ITGA8: variants seen among roughly 807,000 people sequenced by gnomAD.
The protein encoded by ITGA8 is integrin subunit alpha 8, also known as integrin alpha-8.
A neutral mutation model predicts 142.3 loss-of-function variants in ITGA8; 91 were observed. The ratio of observed to expected loss-of-function variants is 0.64; its 90% CI spans 0.54 to 0.76. The LOEUF is 0.76. Ranked by LOEUF, ITGA8 falls within the 30% of genes least tolerant of loss-of-function variation. ITGA8 has a pLI of 0.00. For missense variants in ITGA8, 1,406 were observed against 1,327.7 expected (o/e 1.06, Z -0.92); for synonymous variants, 505 against 485.2 (o/e 1.04, Z -0.54).
chr10:15,548,220 T>C (rs1397477609), intron 27 of ITGA8, among the ~76,000 whole-genome samples: 4 of 152,144 alleles, frequency 2.6e-5, no homozygotes, highest in Non-Finnish European at 4.4e-5. Context: ...GTCTCCCAAG[T>C]AGCTGGGACC....
chr10:15,717,899 T>C (rs1835483024), intron 2 of ITGA8, among the ~76,000 whole-genome samples: 1 of 152,242 alleles, frequency 6.6e-6, no homozygotes, highest in Admixed American at 6.5e-5. Flanking sequence ...AGAAATCAAG[T>C]ATGTCATAAA....
At chr10:15,637,050 C>A (rs1321455427) in intron 13 of ITGA8, among the ~76,000 whole-genome samples, 1 of 152,190 alleles carries the variant, frequency 6.6e-6, no homozygotes, top group Admixed American at 6.5e-5. Flanking sequence ...GAGTCTGAGG[C>A]AGGAGAATCC....
chr10:15,634,903 G>A (rs1399882638), intron 13 of ITGA8, among the ~76,000 whole-genome samples: 1 of 151,646 alleles, frequency 6.6e-6, no homozygotes, highest in Admixed American at 6.6e-5. Context: ...AGTTTATAAG[G>A]GTCTACTATT....
intron 28 of ITGA8, among the ~76,000 whole-genome samples, chr10:15,526,268 C>A (rs1287930322): frequency 1.3e-5 from 2 of 152,036 alleles, no homozygotes; most frequent in African/African-American, 4.8e-5. Flanking sequence ...CCTCCGCCTC[C>A]CAGGTTCAAG....
chr10:15,670,839 A>T (rs1834500538), intron 8 of ITGA8, among the ~76,000 whole-genome samples: 1 of 152,154 alleles, frequency 6.6e-6, no homozygotes, highest in African/African-American at 2.4e-5. Context: ...GCTCGAAGCC[A>T]ATCTCGTTTC....
intron 13 of ITGA8, among the ~76,000 whole-genome samples, chr10:15,635,508 C>T (rs1172586047): frequency 2.0e-5 from 3 of 152,128 alleles, no homozygotes; most frequent in South Asian, 2.1e-4. Flanking sequence ...TAAAATCACA[C>T]GTGGGAGAAC....
Position 15,645,053 on chromosome 10 carries a change from C to T in ITGA8, c.1208-832G>A, listed in dbSNP as rs767537600. ...GTTGTGGTGAGCAGTGAGTTGAGATCGTGCCACTGCACTCTAGCCTGGGTG... is the reference window on the plus strand; with the variant it reads ...GTTGTGGTGAGCAGTGAGTTGAGATTGTGCCACTGCACTCTAGCCTGGGTG... On this transcript the variant is annotated intron_variant, in intron 12 of 29. Coordinates refer to ENST00000378076, the MANE Select transcript of ITGA8 (RefSeq NM_003638.3). Among the ~76,000 whole-genome samples, 24 of 133,716 alleles carry T rather than the reference C, an allele frequency of 1.8e-4. No homozygotes were observed. The East Asian group carries it at 1.9e-3, about 10-fold the overall frequency. 87.7% of individuals were successfully genotyped at this position (133,716 alleles called of 152,430 possible).
intron 25 of ITGA8, among the ~76,000 whole-genome samples, chr10:15,571,376 C>T (rs956753948): frequency 1.3e-5 from 2 of 152,204 alleles, no homozygotes; most frequent in Admixed American, 6.5e-5. Flanking sequence ...GGAGAACGTT[C>T]GTTCTTACAT....
intron 6 of ITGA8, among the ~76,000 whole-genome samples, 167 bp downstream of exon 6, chr10:15,677,425 A>G (rs908095549): frequency 2.6e-5 from 4 of 152,112 alleles, no homozygotes; most frequent in African/African-American, 9.6e-5. Context: ...TTTGTCAATT[A>G]AAATAAAATA....
chr10:15,631,136 A>G (rs1833677952), intron 13 of ITGA8, among the ~76,000 whole-genome samples: 1 of 152,004 alleles, frequency 6.6e-6, no homozygotes, highest in Non-Finnish European at 1.5e-5. Flanking sequence ...AATTAGTTCA[A>G]CCATTGTGGA....
chr10:15,663,590 C>T (rs1374115351), intron 8 of ITGA8, among the ~76,000 whole-genome samples: 5 of 145,816 alleles, frequency 3.4e-5, no homozygotes, highest in Non-Finnish European at 6.0e-5. Context: ...TTTTTTTGGA[C>T]GAGATCTGAG....
intron 25 of ITGA8, among the ~76,000 whole-genome samples, chr10:15,562,171 G>A (rs1426154642): frequency 1.3e-5 from 2 of 152,218 alleles, no homozygotes; most frequent in African/African-American, 4.8e-5. Flanking sequence ...CAGGTGGGGA[G>A]GGGTTTGGGA....
At chr10:15,535,050 G>A (rs1352875591) in intron 27 of ITGA8, among the ~76,000 whole-genome samples, 1 of 152,166 alleles carries the variant, frequency 6.6e-6, no homozygotes, top group East Asian at 1.9e-4. Flanking sequence ...CCGCGGGTGA[G>A]TGTGGGCTAT....
At chr10:15,698,792 T>C (rs1835104352) in intron 2 of ITGA8, among the ~76,000 whole-genome samples, 1 of 152,218 alleles carries the variant, frequency 6.6e-6, no homozygotes, top group Non-Finnish European at 1.5e-5. Flanking sequence ...GAGTTCTTTG[T>C]AGATTCTGGA....
At chr10:15,553,204 C>T (rs61843016) in intron 26 of ITGA8, among the ~76,000 whole-genome samples, 3 of 151,680 alleles carry the variant, frequency 2.0e-5, no homozygotes, top group Non-Finnish European at 4.4e-5. Flanking sequence ...TTACAGTAAG[C>T]TGAGATTGCA....
intron 13 of ITGA8, among the ~76,000 whole-genome samples, chr10:15,638,215 T>C (rs555049364): frequency 6.6e-6 from 1 of 152,314 alleles, no homozygotes; most frequent in East Asian, 1.9e-4. Flanking sequence ...CCACCTCTTA[T>C]ATGTCTGTGT....
intron 13 of ITGA8, among the ~76,000 whole-genome samples, chr10:15,617,845 T>G (rs1372747812): frequency 1.3e-5 from 2 of 152,036 alleles, no homozygotes; most frequent in African/African-American, 4.8e-5. Flanking sequence ...CCATCAACAG[T>G]GGATTGGATA....
intron 13 of ITGA8, among the ~76,000 whole-genome samples, chr10:15,629,406 T>C (rs1304442926): frequency 6.6e-6 from 1 of 152,010 alleles, no homozygotes; most frequent in African/African-American, 2.4e-5. Flanking sequence ...ATTTCATCTA[T>C]GTCACCCCCT....
intron 17 of ITGA8, among the ~76,000 whole-genome samples, chr10:15,607,082 G>C (rs1461158100): frequency 6.6e-6 from 1 of 152,072 alleles, no homozygotes; most frequent in Non-Finnish European, 1.5e-5. Context: ...CTTCCCTAGG[G>C]TGGTCCTTGC....
Sources: allele counts gnomAD v4.1 joint callset (sites outside exome capture counted in the v4.1 genomes callset), GRCh38; gene constraint gnomAD v4.1.1; transcripts MANE v1.5; gene names NCBI Gene and HGNC (gene_info 2026-07-23, HGNC 2026-07-21).